The following ZNF138 variants were observed in gnomAD, a reference collection of about 807,000 sequenced individuals.
ZNF138 encodes the protein zinc finger protein 138.
ZNF138 carries 33 observed loss-of-function variants against 33.0 expected under a neutral mutation model. The ratio of observed to expected loss-of-function variants is 1.00; its 90% confidence interval spans 0.76 to 1.34. The LOEUF (loss-of-function observed/expected upper bound fraction) is 1.34. ZNF138 is among the 40% of genes most tolerant of loss of function. The pLI, the probability that ZNF138 is intolerant of heterozygous loss-of-function variation, is 0.00. For synonymous variants in ZNF138, 139 were observed against 120.4 expected (o/e 1.15, Z -1.01); for missense variants, 360 against 370.8 (o/e 0.97, Z 0.24).
chr7:64,824,620 A>G (rs1274247234), intron 3 of ZNF138, among the ~76,000 whole-genome samples: 8 of 152,222 alleles, frequency 5.3e-5, no homozygotes, highest in Admixed American at 3.9e-4. Context: ...TGCTTTCTAC[A>G]TATTGGAGCC....
chr7:64,814,832 C>A, intron 1 of ZNF138, 86 bp from the exon 2 acceptor site: 1 of 1,547,504 alleles, frequency 6.5e-7, no homozygotes. Flanking sequence ...TCCTTACTGT[C>A]TTATTTTACC....
At chr7:64,809,677 C>A (rs1252436885) in intron 1 of ZNF138, among the ~76,000 whole-genome samples, 2 of 147,696 alleles carry the variant, frequency 1.4e-5, no homozygotes, top group African/African-American at 5.0e-5. Context: ...TGCTGCCGGG[C>A]GGAGGGGCTC....
intron 3 of ZNF138, among the ~76,000 whole-genome samples, chr7:64,827,297 G>T (rs529592132): frequency 1.3e-5 from 2 of 150,100 alleles, no homozygotes; most frequent in African/African-American, 2.5e-5. Flanking sequence ...ACCCAGGCTC[G>T]AGTGCAGTGG....
chr7:64,853,089 G>A, the ZNF138 span: 2 of 1,412,434 alleles, frequency 1.4e-6, no homozygotes, highest in African/African-American at 1.4e-5. Flanking sequence ...TCTACAATTG[G>A]GTAAATGTAA....
At chr7:64,806,278 T>C (rs929409595) in intron 1 of ZNF138, among the ~76,000 whole-genome samples, 1 of 152,196 alleles carries the variant, frequency 6.6e-6, no homozygotes, top group South Asian at 2.1e-4. Context: ...TAGTACTCTA[T>C]AGTTAACATT....
intron 1 of ZNF138, among the ~76,000 whole-genome samples, chr7:64,808,858 C>G (rs1457913801): frequency 5.1e-5 from 7 of 136,712 alleles, no homozygotes; most frequent in Admixed American, 4.5e-4. Flanking sequence ...CCATTTAACC[C>G]TGAGTGGACA....
At chr7:64,810,972 C>A (rs1275948596) in intron 1 of ZNF138, among the ~76,000 whole-genome samples, 1 of 152,172 alleles carries the variant, frequency 6.6e-6, no homozygotes, top group Non-Finnish European at 1.5e-5. Context: ...AGAGACATTC[C>A]ATTTACCAAC....
At chr7:64,852,447 C>G in the ZNF138 span, 66,815 of 1,579,390 alleles carry the variant, frequency 0.042, 1,718 homozygotes, top group East Asian at 0.097. Flanking sequence ...ACTTGTGGTG[C>G]AATCTCGATG....
the ZNF138 span, among the ~76,000 whole-genome samples, chr7:64,843,858 C>T: frequency 1.4e-3 from 214 of 150,972 alleles, 1 homozygote; most frequent in African/African-American, 5.1e-3. Context: ...GATGGAGTTT[C>T]GCTGTCACCA....
intron 3 of ZNF138, among the ~76,000 whole-genome samples, chr7:64,824,168 G>A (rs1041451448): frequency 3.9e-5 from 6 of 151,948 alleles, no homozygotes; most frequent in African/African-American, 1.5e-4. Context: ...TGGGTCATGG[G>A]GGCAAATTTT....
intron 1 of ZNF138, among the ~76,000 whole-genome samples, chr7:64,805,922 A>C (rs1787557815): frequency 6.6e-6 from 1 of 152,198 alleles, no homozygotes; most frequent in African/African-American, 2.4e-5. Flanking sequence ...TGGTGTTGTA[A>C]ATTCTACTTG....
In ZNF138 at chr7:64,832,261, G is replaced by A; in HGVS notation, c.*59G>A. 6.2e-7 allele frequency: 1 copy of A among 1,601,668 alleles called. No individual in the cohort carries two copies. Among genetic ancestry groups the A allele is most frequent in the Non-Finnish European group, 8.5e-7 (1 of 1,176,030 alleles). On this transcript the variant is annotated 3_prime_UTR_variant, in exon 4 of 4. Transcript: ENST00000307355. Reference sequence around the variant, plus strand: ...GAGAAAGCCTACAAATGTGAAGAATGTGGCAAAGCCTTTAACCAGTTTTCA... The same window carrying A: ...GAGAAAGCCTACAAATGTGAAGAATATGGCAAAGCCTTTAACCAGTTTTCA...
At chr7:64,799,490 A>T (rs1786969417) in intron 1 of ZNF138, among the ~76,000 whole-genome samples, 1 of 152,036 alleles carries the variant, frequency 6.6e-6, no homozygotes, top group Admixed American at 6.6e-5. Context: ...CCATGAGCAT[A>T]AAGTAATTTT....
intron 1 of ZNF138, among the ~76,000 whole-genome samples, chr7:64,813,739 A>AT (rs940642806): frequency 6.6e-6 from 1 of 151,264 alleles, no homozygotes; most frequent in Admixed American, 6.6e-5. Flanking sequence ...TGGCCAAATG[A>AT]TTTTTTTTTA....
At chr7:64,796,300 CAG>C (rs1786684618) in intron 1 of ZNF138, among the ~76,000 whole-genome samples, 1 of 152,132 alleles carries the variant, frequency 6.6e-6, no homozygotes, top group Non-Finnish European at 1.5e-5. Flanking sequence ...GGGTGGTCTT[CAG>C]AGAGGGTGGT....
chr7:64,801,133 G>T (rs1472841456), intron 1 of ZNF138, among the ~76,000 whole-genome samples: 1 of 151,928 alleles, frequency 6.6e-6, no homozygotes, highest in Non-Finnish European at 1.5e-5. Flanking sequence ...TGGATTTCTT[G>T]ATCTGTTGCA....
At chr7:64,810,341 G>T (rs1472318670) in intron 1 of ZNF138, among the ~76,000 whole-genome samples, 105 of 138,244 alleles carry the variant, frequency 7.6e-4, no homozygotes, top group African/African-American at 2.6e-3. Flanking sequence ...CAGGCACTCG[G>T]CAGGCTGAGT....
chr7:64,832,437 G>A lies in ZNF138; in HGVS notation c.*235G>A. ...CTACAAATGTAAAGAATGTGGAAAA[G>A]CTTTTCACCGATACTCAATCCTTAG... On this transcript the variant is annotated 3_prime_UTR_variant, in exon 4 of 4. Transcript: ENST00000307355. The A allele has an allele frequency of 6.9e-7, 1 of 1,449,280 alleles. No individual in the cohort carries two copies. The highest frequency in any genetic ancestry group is 9.1e-7 in the Non-Finnish European group (1 of 1,093,934). 89.8% of individuals were successfully genotyped at this position (1,449,280 alleles called of 1,614,324 possible).
At chr7:64,803,544 C>CT (rs1395752926) in intron 1 of ZNF138, among the ~76,000 whole-genome samples, 1 of 152,148 alleles carries the variant, frequency 6.6e-6, no homozygotes, top group Non-Finnish European at 1.5e-5. Flanking sequence ...TTGGTTTCTG[C>CT]TTATTACTTC....
Sources: allele counts gnomAD v4.1 joint callset (sites outside exome capture counted in the v4.1 genomes callset), GRCh38; gene constraint gnomAD v4.1.1; transcripts MANE v1.5; gene names NCBI Gene and HGNC (gene_info 2026-07-23, HGNC 2026-07-21).